The following TAF2 variants were observed in gnomAD, a reference collection of about 807,000 sequenced individuals.
TAF2 encodes transcription initiation factor TFIID subunit 2.
TAF2 carries 61 observed loss-of-function variants against 138.5 expected under a neutral mutation model. That is an observed-to-expected ratio of 0.44 (90% CI 0.36 to 0.54). The LOEUF (loss-of-function observed/expected upper bound fraction) is 0.54. TAF2 is among the 20% of genes least tolerant of loss of function. The pLI, the probability that TAF2 is intolerant of heterozygous loss-of-function variation, is 0.00. For synonymous variants in TAF2, 475 were observed against 469.9 expected (o/e 1.01, Z -0.14); for missense variants, 1,090 against 1,427.9 (o/e 0.76, Z 3.81).
rs1302306734 is a variant in TAF2 at position 119,796,975 on chromosome 8, T to C, written c.1091+15A>G. On this transcript the variant is annotated intron_variant, in intron 8 of 25. Coordinates refer to ENST00000378164, the MANE Select transcript of TAF2 (RefSeq NM_003184.4). The stretch of plus-strand genomic sequence containing the variant: ...TGATTCTCTTCTCAGTAGTATGAAC[T>C]TTCAGGTCACTCACCAAGACATTCT... 1 of 1,567,262 alleles carries C rather than the reference T, an allele frequency of 6.4e-7. No homozygotes were observed. Among genetic ancestry groups the C allele is most frequent in the Non-Finnish European group, 8.8e-7 (1 of 1,137,794 alleles).
At chr8:119,763,546 A>G (rs1012643884) in intron 18 of TAF2, among the ~76,000 whole-genome samples, 1 of 152,082 alleles carries the variant, frequency 6.6e-6, no homozygotes, top group Admixed American at 6.5e-5. Context: ...CCTGGCCAAC[A>G]TGGTGAAACC....
At chr8:119,777,137 G>C (rs557120228) in intron 18 of TAF2, among the ~76,000 whole-genome samples, 2 of 152,256 alleles carry the variant, frequency 1.3e-5, no homozygotes, top group South Asian at 4.1e-4. Context: ...AAGTATATGA[G>C]AGAATGTGAA....
chr8:119,779,389 C>T (rs1412389235), intron 17 of TAF2, among the ~76,000 whole-genome samples: 2 of 151,952 alleles, frequency 1.3e-5, no homozygotes, highest in Non-Finnish European at 2.9e-5. Flanking sequence ...ATAAAAACTA[C>T]ACTGATTTCA....
chr8:119,794,391 G>A (rs901255364), intron 9 of TAF2, among the ~76,000 whole-genome samples: 8 of 131,894 alleles, frequency 6.1e-5, no homozygotes, highest in East Asian at 5.9e-4. Context: ...GTGAGACTCC[G>A]TCTCAAAAAA....
intron 25 of TAF2, among the ~76,000 whole-genome samples, chr8:119,737,121 A>G (rs548100503): frequency 6.6e-6 from 1 of 152,330 alleles, no homozygotes; most frequent in Admixed American, 6.5e-5. Context: ...GCCAACTGCA[A>G]TGTGGACCCT....
intron 12 of TAF2, among the ~76,000 whole-genome samples, chr8:119,789,117 TTG>T (rs758806948): frequency 1.6e-4 from 25 of 152,188 alleles, no homozygotes; most frequent in Non-Finnish European, 3.1e-4. Context: ...ACTGACAAAT[TTG>T]TGTTTTGAAA....
chr8:119,819,411 A>G lies in TAF2; in HGVS notation c.234T>C (p.Asn78=). 6.2e-7 allele frequency: 1 copy of G among 1,612,982 alleles called. No individual in the cohort carries two copies. Among genetic ancestry groups the G allele is most frequent in the East Asian group, 2.2e-5 (1 of 44,772 alleles). The change falls in exon 3 of 26, where the codon AAT becomes AAC. Residue 78 remains asparagine (N), a synonymous_variant. Transcript: ENST00000378164. The part of the protein sequence containing the change: ...KQCRIYRVRI[N]DLEAAFIYND... Reference sequence around the variant, plus strand: ...TATAAATAAAAGCAGCCTCTAAATCATTGATCCTTACTCGGTATATTCTAC... The same window carrying G: ...TATAAATAAAAGCAGCCTCTAAATCGTTGATCCTTACTCGGTATATTCTAC...
At position 119,832,765 on chromosome 8, in the gene TAF2, C is replaced by G. The variant is rs1826549531; in HGVS notation, c.-201G>C. 2.0e-6 allele frequency: 1 copy of G among 511,846 alleles called. No homozygotes were observed. Among genetic ancestry groups the G allele is most frequent in the African/African-American group, 1.9e-5 (1 of 52,044 alleles). The allele number at this position is 511,846 out of a possible 1,614,324, so 31.7% of individuals were successfully genotyped here. A position where few individuals can be genotyped will look rare whatever the true frequency, so the allele number is the denominator to read the frequency against. ...ACTAGCTCCTAGAAGCCGCCGTCGA[C>G]AAGCTTCTGTCACAGAGATGCTCCT... On this transcript the variant is annotated 5_prime_UTR_variant, in exon 1 of 26. Coordinates refer to ENST00000378164, the MANE Select transcript of TAF2 (RefSeq NM_003184.4).
Position 119,778,039 on chromosome 8 carries a change from TG to T in TAF2, c.2343del (p.Tyr781Ter). ...CTCACCTTATTTTTCCTGTTGTCAT[TG>T]TACTTGATTAAGTCTAAAATAAATG... ...VLTFILDLIKYNDNRKNKFSD... is the reference protein window; with the variant it reads ...VLTFILDLIKXNDNRKNKFSD... On this transcript the variant is annotated frameshift_variant, in exon 18 of 26. Coordinates refer to ENST00000378164, the MANE Select transcript of TAF2 (RefSeq NM_003184.4). LOFTEE classifies it high-confidence loss of function. 6.5e-7 allele frequency: 1 copy of T among 1,543,544 alleles called. No individual in the cohort carries two copies. The highest frequency in any genetic ancestry group is 1.7e-5 in the Admixed American group (1 of 58,454).
intron 4 of TAF2, among the ~76,000 whole-genome samples, chr8:119,804,722 A>C (rs1309116750): frequency 6.6e-6 from 1 of 152,206 alleles, no homozygotes; most frequent in Non-Finnish European, 1.5e-5. Flanking sequence ...CTTTATCAGC[A>C]GCATGAAAAC....
At chr8:119,807,201 T>C (rs1473099012) in intron 3 of TAF2, among the ~76,000 whole-genome samples, 1 of 152,218 alleles carries the variant, frequency 6.6e-6, no homozygotes, top group African/African-American at 2.4e-5. Context: ...GTAAGCTTAA[T>C]GAAGCAGAGA....
chr8:119,736,989 G>C (rs547872712), intron 25 of TAF2, among the ~76,000 whole-genome samples: 1 of 152,212 alleles, frequency 6.6e-6, no homozygotes, highest in South Asian at 2.1e-4. Context: ...GTATGAGTTG[G>C]AAACACTAGA....
Position 119,730,790 on chromosome 8 carries a change from T to C in TAF2, c.*1134A>G, listed in dbSNP as rs1818838304. On this transcript the variant is annotated 3_prime_UTR_variant, in exon 26 of 26. Coordinates refer to ENST00000378164, the MANE Select transcript of TAF2 (RefSeq NM_003184.4). ...ACAGAATGATCAACTTAAAAAGTTATTTATTAAACAAGTTAAACACAACTA... is the reference window on the plus strand; with the variant it reads ...ACAGAATGATCAACTTAAAAAGTTACTTATTAAACAAGTTAAACACAACTA... The C allele has an allele frequency of 6.6e-6, 1 of 152,234 alleles. No individual in the cohort carries two copies. The highest frequency in any genetic ancestry group is 6.5e-5 in the Admixed American group (1 of 15,274). The allele number at this position is 152,234 out of a possible 1,614,324, so 9.4% of individuals were successfully genotyped here.
Position 119,767,009 on chromosome 8 carries a change from A to G in TAF2, c.2365-4401T>C, listed in dbSNP as rs561261809. ...TACACATATGTGCACACACCTGCAT[A>G]TATCTTCTGATTCTGTAAGCCTCCA... On this transcript the variant is annotated intron_variant, in intron 18 of 25. Coordinates refer to ENST00000378164, the MANE Select transcript of TAF2 (RefSeq NM_003184.4). 6.6e-5 allele frequency: 10 copies of G among 152,308 alleles called. No homozygotes were observed. In the East Asian group the frequency reaches 1.7e-3, roughly 26 times the overall value. The allele number at this position is 152,308 out of a possible 1,614,324, so 9.4% of individuals were successfully genotyped here. A position where few individuals can be genotyped will look rare whatever the true frequency, so the allele number is the denominator to read the frequency against.
At position 119,797,701 on chromosome 8, in the gene TAF2, T is replaced by A. The variant is rs546728927; in HGVS notation, c.938A>T (p.Tyr313Phe). 29 of 1,613,458 alleles carry A rather than the reference T, an allele frequency of 1.8e-5. No homozygotes were observed. Among genetic ancestry groups the A allele is most frequent in the Non-Finnish European group, 2.4e-5 (28 of 1,179,708 alleles). ...GGAAGCATAAGCAGCCACTTCAACA[T>A]AAGCCTCATCAATGAAGACAGTCTT... ...CFKTVFIDEA[Y>F]VEVAAYASMS... Residue 313 changes from tyrosine to phenylalanine, a missense_variant, in exon 7 of 26, where the codon TAT becomes TTT. Around this residue, in one of 3 missense-constraint regions of TAF2, gnomAD observed 504 missense variants for 680.9 expected, o/e 0.74. Coordinates refer to ENST00000378164, the MANE Select transcript of TAF2 (RefSeq NM_003184.4).
At chr8:119,773,356 A>T (rs1432647336) in intron 18 of TAF2, among the ~76,000 whole-genome samples, 5 of 151,530 alleles carry the variant, frequency 3.3e-5, no homozygotes, top group African/African-American at 1.2e-4. Context: ...ACTTTCCATA[A>T]CTTTCTAAAT....
At chr8:119,745,780 T>C (rs1324941990) in intron 23 of TAF2, among the ~76,000 whole-genome samples, 1 of 150,660 alleles carries the variant, frequency 6.6e-6, no homozygotes, top group Non-Finnish European at 1.5e-5. Context: ...TAAAAGCTTC[T>C]CTAAAGGCAA....
chr8:119,791,171 C>G (rs1823402661), intron 11 of TAF2, among the ~76,000 whole-genome samples, 153 bp downstream of exon 11: 1 of 152,150 alleles, frequency 6.6e-6, no homozygotes, highest in South Asian at 2.1e-4. Flanking sequence ...CATTCTACAT[C>G]TGAGGAAATG....
intron 2 of TAF2, among the ~76,000 whole-genome samples, chr8:119,820,826 G>A (rs545450684): frequency 1.3e-5 from 2 of 152,276 alleles, no homozygotes; most frequent in East Asian, 1.9e-4. Flanking sequence ...TAGAAACACA[G>A]AGAACAAAAG....
Sources: allele counts gnomAD v4.1 joint callset (sites outside exome capture counted in the v4.1 genomes callset), GRCh38; gene constraint gnomAD v4.1.1; regional missense constraint gnomAD v4.1.1; transcripts MANE v1.5; gene names NCBI Gene and HGNC (gene_info 2026-07-23, HGNC 2026-07-21).